DNAH10: variants seen among roughly 807,000 people sequenced by gnomAD.
DNAH10 encodes the protein axonemal beta dynein heavy chain 10.
DNAH10 carries 348 observed loss-of-function variants against 506.6 expected under a neutral mutation model. The ratio of observed to expected loss-of-function variants is 0.69; its 90% CI spans 0.63 to 0.75. DNAH10 has a LOEUF of 0.75. DNAH10 is among the 30% of genes least tolerant of loss of function. The probability of loss-of-function intolerance (pLI) is 0.00; values close to 1 mark genes in which losing one functional copy is unlikely to be tolerated. For synonymous variants in DNAH10, 2,059 were observed against 2,198.6 expected, an observed-to-expected ratio of 0.94 and a Z score of 1.78; for missense variants, 5,179 against 5,787.1, an observed-to-expected ratio of 0.89 and a Z score of 3.41.
intron 78 of DNAH10, chr12:123,935,041 T>G (rs1594430750): frequency 3.3e-6 from 2 of 600,714 alleles, no homozygotes; most frequent in East Asian, 5.5e-5. Context: ...CTCCCTCCCT[T>G]CTTGCAAAAT....
intron 1 of DNAH10, among the ~76,000 whole-genome samples, chr12:123,764,756 TCTTCC>T (rs1451930167): frequency 6.6e-6 from 1 of 152,136 alleles, no homozygotes; most frequent in African/African-American, 2.4e-5. Context: ...CTGTCCCTGG[TCTTCC>T]CTTCCATTCC....
intron 15 of DNAH10, 29 bp from the exon 16 acceptor site, chr12:123,801,252 C>A: frequency 6.2e-7 from 1 of 1,606,246 alleles, no homozygotes; most frequent in Non-Finnish European, 8.5e-7. Context: ...GTGCTCTCCT[C>A]AGGTTTATGA....
Position 123,835,432 on chromosome 12 carries a change from G to A in DNAH10, c.4806G>A (p.Trp1602Ter). ...IEIWMLVQRK[W>*]MYLESIFIGG... ...TTTGGATGTTGGTTCAGAGAAAATGGATGTATCTTGAAAGTATTTTTATTG... is the reference window on the plus strand; with the variant it reads ...TTTGGATGTTGGTTCAGAGAAAATGAATGTATCTTGAAAGTATTTTTATTG... The change falls in exon 28 of 79, where the codon TGG becomes TGA. Residue 1602 changes from tryptophan to a stop codon, truncating the protein, a stop_gained. Coordinates refer to ENST00000673944, the MANE Select transcript of DNAH10 (RefSeq NM_001372106.1). LOFTEE classifies it high-confidence loss of function. 1 of 1,610,882 alleles carries A rather than the reference G, an allele frequency of 6.2e-7. No homozygotes were observed. The highest frequency in any genetic ancestry group is 2.2e-5 in the East Asian group (1 of 44,858).
At position 123,909,390 on chromosome 12, in the gene DNAH10, G is replaced by A. The variant is rs2137380451; in HGVS notation, c.9945G>A (p.Leu3315=). The A allele has an allele frequency of 1.2e-6, 2 of 1,610,126 alleles. No homozygotes were observed. The highest frequency in any genetic ancestry group is 1.7e-5 in the Admixed American group (1 of 59,490). The part of the protein sequence containing the change: ...VMSDPNFLRS[L]MEIDFDSITQ... Reference sequence around the variant, plus strand: ...CCGACCCGAATTTCCTGCGGTCTCTGATGGAGATTGATTTTGATTCGATTA... The same window carrying A: ...CCGACCCGAATTTCCTGCGGTCTCTAATGGAGATTGATTTTGATTCGATTA... Residue 3315 remains leucine, a synonymous_variant, in exon 58 of 79, where the codon CTG becomes CTA. Transcript: ENST00000673944. The surrounding 1 kb of genome is among the most constrained non-coding windows in gnomAD (Gnocchi z 5.4).
At chr12:123,823,847 A>G (rs942350910) in intron 24 of DNAH10, among the ~76,000 whole-genome samples, 1 of 152,022 alleles carries the variant, frequency 6.6e-6, no homozygotes, top group Non-Finnish European at 1.5e-5. Context: ...GGTCTTATTC[A>G]TTCTTTCTGG....
At chr12:123,855,921 A>G (rs996125599) in intron 36 of DNAH10, among the ~76,000 whole-genome samples, 3 of 149,764 alleles carry the variant, frequency 2.0e-5, no homozygotes, top group African/African-American at 7.3e-5. Context: ...TTACATTTAT[A>G]TACAATTTTG....
intron 70 of DNAH10, 66 bp from the exon 71 acceptor site, chr12:123,929,209 G>A (rs1955087226): frequency 1.3e-6 from 2 of 1,492,970 alleles, no homozygotes; most frequent in African/African-American, 1.4e-5. Flanking sequence ...TGCCTGCATT[G>A]TGCACACTCT....
Position 123,771,407 on chromosome 12 carries a change from C to T in DNAH10, c.299-194C>T, listed in dbSNP as rs998021881. Among the ~76,000 whole-genome samples the T allele has an allele frequency of 3.9e-5, 6 of 152,128 alleles. No individual in the cohort carries two copies. In the East Asian group the frequency reaches 7.7e-4, roughly 20 times the overall value. ...TTTCTGATGGACACCCTGTCAAAAA[C>T]GAAACACAATTCTTGTCAATTACAA... On this transcript the variant is annotated intron_variant, in intron 2 of 78. Transcript: ENST00000673944.
chr12:123,771,856 A>G (rs1398034555), intron 3 of DNAH10, among the ~76,000 whole-genome samples, 158 bp downstream of exon 3: 3 of 152,192 alleles, frequency 2.0e-5, no homozygotes, highest in African/African-American at 7.2e-5. Flanking sequence ...GATTGGCTGG[A>G]AGGACTCACA....
intron 56 of DNAH10, among the ~76,000 whole-genome samples, chr12:123,901,897 G>A (rs1953540507): frequency 6.6e-6 from 1 of 152,094 alleles, no homozygotes; most frequent in South Asian, 2.1e-4. Context: ...CCAACCTTAG[G>A]TGATCTACCT....
chr12:123,811,376 G>T (rs981383036), intron 19 of DNAH10, among the ~76,000 whole-genome samples: 1 of 151,016 alleles, frequency 6.6e-6, no homozygotes, highest in Non-Finnish European at 1.5e-5. Flanking sequence ...AGGCTGAAGT[G>T]CAGTGTTGTG....
intron 42 of DNAH10, 150 bp downstream of exon 42, chr12:123,867,751 A>C (rs1194628333): frequency 1.6e-5 from 21 of 1,341,410 alleles, no homozygotes; most frequent in African/African-American, 2.9e-5. Context: ...GCTTTTGTGC[A>C]AGTCAAGATA....
At chr12:123,930,991 TG>T (rs1219064159) in intron 73 of DNAH10, among the ~76,000 whole-genome samples, 1 of 152,068 alleles carries the variant, frequency 6.6e-6, no homozygotes, top group Non-Finnish European at 1.5e-5. Flanking sequence ...AAGACCAGCC[TG>T]GGCAACCAAG....
At position 123,879,616 on chromosome 12, in the gene DNAH10, G is replaced by T. The variant is rs1408109721; in HGVS notation, c.8467-18G>T. On this transcript the variant is annotated intron_variant, in intron 49 of 78. Transcript: ENST00000673944. The stretch of plus-strand genomic sequence containing the variant: ...ACTGTTGTTGAGTTTGGGTCCTTAA[G>T]TGGGCTTCTGTTTCAAGGTACAACA... The T allele has an allele frequency of 6.2e-7, 1 of 1,613,620 alleles. No homozygotes were observed. Among genetic ancestry groups the T allele is most frequent in the African/African-American group, 1.3e-5 (1 of 74,914 alleles).
chr12:123,930,300 G>C (rs1206857589), intron 72 of DNAH10, 102 bp from the exon 73 acceptor site: 4 of 1,140,894 alleles, frequency 3.5e-6, no homozygotes, highest in African/African-American at 3.2e-5. Flanking sequence ...CAGCCAGGCT[G>C]CTGGAGTCTC....
At chr12:123,774,809 T>C (rs1295838472) in intron 5 of DNAH10, among the ~76,000 whole-genome samples, 1 of 152,242 alleles carries the variant, frequency 6.6e-6, no homozygotes. Flanking sequence ...GGGGCCATTA[T>C]GGACATGTTA....
intron 25 of DNAH10, among the ~76,000 whole-genome samples, chr12:123,827,418 T>C (rs1960104592): frequency 6.6e-6 from 1 of 152,266 alleles, no homozygotes; most frequent in Non-Finnish European, 1.5e-5. Flanking sequence ...ATTTTATATC[T>C]ATAGCCTATT....
chr12:123,924,933 G>C (rs1954875131), intron 67 of DNAH10, 117 bp from the exon 68 acceptor site: 1 of 1,388,506 alleles, frequency 7.2e-7, no homozygotes, highest in African/African-American at 1.4e-5. Context: ...GTGGCCTTCA[G>C]TTAGTACACC....
At chr12:123,818,102 C>G (rs1404355946) in intron 21 of DNAH10, among the ~76,000 whole-genome samples, 1 of 151,948 alleles carries the variant, frequency 6.6e-6, no homozygotes, top group African/African-American at 2.4e-5. Flanking sequence ...GCATGCGCCA[C>G]CACCCCAGCT....
Sources: gnomAD v4.1 joint callset for allele counts (sites outside exome capture counted in the v4.1 genomes callset) on GRCh38, gnomAD v4.1.1 for gene constraint, Gnocchi (gnomAD v3.1) non-coding constraint, MANE v1.5 for transcripts, NCBI Gene and HGNC (gene_info 2026-07-23, HGNC 2026-07-21) for gene names.